Variants in MAST2 observed in about 807,000 individuals in gnomAD.
The protein encoded by MAST2 is microtubule-associated serine/threonine-protein kinase 2.
MAST2 carries 70 observed loss-of-function variants against 147.4 expected under a neutral mutation model. The observed-to-expected ratio is 0.47, with a 90% CI of 0.39 to 0.58. The LOEUF (loss-of-function observed/expected upper bound fraction) is 0.58. Ranked by LOEUF, MAST2 falls within the 20% of genes least tolerant of loss-of-function variation. MAST2 has a pLI of 0.00. For synonymous variants in MAST2, 869 were observed against 896.8 expected (o/e 0.97, Z 0.55); for missense variants, 2,080 against 2,302.3 (o/e 0.90, Z 1.98).
chr1:45,936,464 T>A (rs76275476), intron 4 of MAST2, among the ~76,000 whole-genome samples: 5 of 151,594 alleles, frequency 3.3e-5, no homozygotes, highest in Non-Finnish European at 7.4e-5. Context: ...GGGACCGTGT[T>A]TTTTGCCCAG....
chr1:46,025,610 G>C lies in MAST2; in HGVS notation c.1781-67G>C, dbSNP rs367793081. The C allele has an allele frequency of 4.4e-6, 7 of 1,601,152 alleles. No individual in the cohort carries two copies. In the East Asian group the frequency reaches 6.7e-5, roughly 15 times the overall value. Reference sequence around the variant, plus strand: ...TCCTCTGGGACCTCAGAAACTGCCAGATGGGAGCTGGCTAGCTAGAGCAGG... The same window carrying C: ...TCCTCTGGGACCTCAGAAACTGCCACATGGGAGCTGGCTAGCTAGAGCAGG... On this transcript the variant is annotated intron_variant, in intron 15 of 28. Transcript: ENST00000361297.
intron 2 of MAST2, among the ~76,000 whole-genome samples, chr1:45,824,950 TTC>T (rs1462989484): frequency 7.9e-5 from 12 of 152,222 alleles, no homozygotes. Flanking sequence ...ACTTAAAAAA[TTC>T]AGGGGGAAAA....
chr1:46,020,478 C>G (rs1646138677), intron 11 of MAST2, among the ~76,000 whole-genome samples: 1 of 151,948 alleles, frequency 6.6e-6, no homozygotes, highest in South Asian at 2.1e-4. Context: ...CTTGGAGACA[C>G]CAGAAAGTTT....
At chr1:46,033,769 A>G in intron 26 of MAST2, 33 bp from the exon 27 acceptor site, 2 of 1,604,472 alleles carry the variant, frequency 1.2e-6, no homozygotes, top group Non-Finnish European at 1.7e-6. Flanking sequence ...ATATGGCTCC[A>G]GCTTAGCCTA....
chr1:46,017,503 C>T (rs1263200452), intron 10 of MAST2, among the ~76,000 whole-genome samples: 4 of 152,244 alleles, frequency 2.6e-5, no homozygotes, highest in South Asian at 4.1e-4. Flanking sequence ...AAAAAGTGGG[C>T]GAAGGACATG....
intron 15 of MAST2, among the ~76,000 whole-genome samples, chr1:46,024,955 G>A (rs1646341317): frequency 6.6e-6 from 1 of 152,222 alleles, no homozygotes; most frequent in South Asian, 2.1e-4. Flanking sequence ...AATCATGGCA[G>A]AAGGTGAAAG....
At position 45,870,514 on chromosome 1, in the gene MAST2, T is replaced by TTATA. The variant is rs35057731; in HGVS notation, c.469-11835_469-11832dup. Among the ~76,000 whole-genome samples, 50 of 148,090 alleles carry TTATA rather than the reference T, an allele frequency of 3.4e-4. No individual in the cohort carries two copies. In the South Asian group the frequency reaches 5.1e-3, roughly 15 times the overall value. On this transcript the variant is annotated intron_variant, in intron 3 of 28. Coordinates refer to ENST00000361297, the MANE Select transcript of MAST2 (RefSeq NM_015112.3). ...TTGTTATTTATTGAGATCAATTTGT[T>TTATA]TATATATATATATATATAAAATTTT...
chr1:45,803,665 G>A lies in MAST2; in HGVS notation c.-231G>A, dbSNP rs1644054178. 2.9e-5 allele frequency: 9 copies of A among 307,290 alleles called. No homozygotes were observed. The East Asian group carries it at 4.8e-4, about 16-fold the overall frequency. 19.0% of individuals were successfully genotyped at this position (307,290 alleles called of 1,614,324 possible). On this transcript the variant is annotated 5_prime_UTR_variant, in exon 1 of 29. Transcript: ENST00000361297. ...TGGCCTGCCCAACGTGTGCTGGGTG[G>A]GAGAAGGCGAGGCGTCAGCGATGCT...
In MAST2 at chr1:46,031,770, A is replaced by G. The variant is rs1557515990; in HGVS notation, c.3187+185A>G. 6.6e-6 allele frequency among the ~76,000 whole-genome samples: 1 copy of G among 152,176 alleles called. No homozygotes were observed. The highest frequency in any genetic ancestry group is 1.5e-5 in the Non-Finnish European group (1 of 68,030). On this transcript the variant is annotated intron_variant, in intron 24 of 28. Coordinates refer to ENST00000361297, the MANE Select transcript of MAST2 (RefSeq NM_015112.3). This position sits in a 1 kb window ranked among gnomAD's most constrained non-coding sequence, Gnocchi z 4.1. ...ATGTGCCAGAAAGCAGGACAGCACCATGTCACAAGTGCAGGCTTTGGGGTA... is the reference window on the plus strand; with the variant it reads ...ATGTGCCAGAAAGCAGGACAGCACCGTGTCACAAGTGCAGGCTTTGGGGTA...
intron 5 of MAST2, among the ~76,000 whole-genome samples, chr1:45,986,600 C>T (rs977265485): frequency 6.6e-6 from 1 of 151,786 alleles, no homozygotes. Flanking sequence ...TGCCTGTAGT[C>T]CCAGCTACTC....
At chr1:45,896,654 C>T (rs1044969243) in intron 4 of MAST2, among the ~76,000 whole-genome samples, 1 of 152,180 alleles carries the variant, frequency 6.6e-6, no homozygotes, top group Non-Finnish European at 1.5e-5. Context: ...GGTCAGAGGC[C>T]TGCCCCTGAG....
At chr1:45,866,589 A>T (rs1454364649) in intron 3 of MAST2, among the ~76,000 whole-genome samples, 1 of 152,160 alleles carries the variant, frequency 6.6e-6, no homozygotes, top group Non-Finnish European at 1.5e-5. Context: ...TGCCTGAGTC[A>T]GTCTCTAGTA....
At chr1:45,975,607 G>T (rs908929240) in intron 5 of MAST2, among the ~76,000 whole-genome samples, 5 of 150,440 alleles carry the variant, frequency 3.3e-5, no homozygotes, top group African/African-American at 9.8e-5. Flanking sequence ...AGGAAGTCAC[G>T]GCTGCAGTAA....
At chr1:45,831,675 A>G (rs1644959962) in intron 3 of MAST2, among the ~76,000 whole-genome samples, 1 of 152,126 alleles carries the variant, frequency 6.6e-6, no homozygotes, top group Non-Finnish European at 1.5e-5. Flanking sequence ...ATTTCAAAGC[A>G]AGTCACAGAC....
rs770675723 is a variant in MAST2 at position 45,987,163 on chromosome 1, A to G, written c.593-10561A>G. ...ATTAATTAACATAAAGTTGTTTACA[A>G]TAATTGACAAAGTTGTTCTGATAAC... is the stretch of plus-strand genomic sequence containing the variant. On this transcript the variant is annotated intron_variant, in intron 5 of 28. Transcript: ENST00000361297. 1.1e-4 allele frequency among the ~76,000 whole-genome samples: 17 copies of G among 152,206 alleles called. No homozygotes were observed. In the South Asian group the frequency reaches 1.2e-3, roughly 11 times the overall value.
rs927254502 is a variant in MAST2, at chr1:45,803,987, C to G, written c.92C>G (p.Ser31Cys). Residue 31 changes from serine (S) to cysteine (C), a missense_variant, in exon 1 of 29, where the codon TCT becomes TGT. By Grantham distance (112) the Ser-to-Cys change is moderately radical (BLOSUM62 -1). Coordinates refer to ENST00000361297, the MANE Select transcript of MAST2 (RefSeq NM_015112.3). ...CAGCGGGCAGCGGAGCTGTCTCAGTCTTTGCCGCCGCGCCGGCGAGCGCCG... is the reference window on the plus strand; with the variant it reads ...CAGCGGGCAGCGGAGCTGTCTCAGTGTTTGCCGCCGCGCCGGCGAGCGCCG... ...GVQRAAELSQSLPPRRRAPPG... is the reference protein window; with the variant it reads ...GVQRAAELSQCLPPRRRAPPG... The G allele has an allele frequency of 3.5e-6, 4 of 1,148,756 alleles. No individual in the cohort carries two copies. The African/African-American group carries it at 6.5e-5, about 19-fold the overall frequency. The allele number at this position is 1,148,756 out of a possible 1,614,324, so 71.2% of individuals were successfully genotyped here.
intron 4 of MAST2, among the ~76,000 whole-genome samples, chr1:45,886,489 A>G (rs1258461482): frequency 6.6e-6 from 1 of 151,840 alleles, no homozygotes; most frequent in Non-Finnish European, 1.5e-5. Context: ...GGCTCATACC[A>G]TTTATTTTAG....
Position 46,019,706 on chromosome 1 carries a change from A to T in MAST2, c.1290+9A>T, listed in dbSNP as rs1380465257. On this transcript the variant is annotated intron_variant, in intron 11 of 28. Coordinates refer to ENST00000361297, the MANE Select transcript of MAST2 (RefSeq NM_015112.3). The stretch of plus-strand genomic sequence containing the variant: ...GTCTCCTGGAATGCCTGGTGAGTGG[A>T]CTCTAGGAAAGTCAGGTGGGCAGAT... 3.7e-6 allele frequency: 6 copies of T among 1,612,816 alleles called. No individual in the cohort carries two copies. The highest frequency in any genetic ancestry group is 4.2e-6 in the Non-Finnish European group (5 of 1,178,972).
At chr1:45,988,299 C>G (rs1167007075) in intron 5 of MAST2, among the ~76,000 whole-genome samples, 2 of 152,160 alleles carry the variant, frequency 1.3e-5, no homozygotes, top group African/African-American at 4.8e-5. Flanking sequence ...CAGGCATGAG[C>G]CAGCACACCC....
Sources: allele counts gnomAD v4.1 joint callset (sites outside exome capture counted in the v4.1 genomes callset), GRCh38; gene constraint gnomAD v4.1.1; non-coding constraint Gnocchi (gnomAD v3.1); transcripts MANE v1.5; gene names NCBI Gene and HGNC (gene_info 2026-07-23, HGNC 2026-07-21).